The following CSMD2 variants were observed in gnomAD, a reference collection of about 807,000 sequenced individuals.
CSMD2 encodes the protein CUB and sushi domain-containing protein 2.
In CSMD2, 130 loss-of-function variants were observed where a neutral mutation model predicts 398.5. The observed-to-expected ratio is 0.33, with a 90% CI of 0.28 to 0.38. The LOEUF (loss-of-function observed/expected upper bound fraction) is 0.38. CSMD2 is among the 10% of genes least tolerant of loss of function. The pLI, the probability that CSMD2 is intolerant of heterozygous loss-of-function variation, is 1.00. For synonymous variants in CSMD2, 1,828 were observed against 1,908.5 expected, an observed-to-expected ratio of 0.96 and a Z score of 1.10; for missense variants, 3,829 against 4,764.9, an observed-to-expected ratio of 0.80 and a Z score of 5.78.
At chr1:33,916,969 A>T (rs907085238) in intron 5 of CSMD2, among the ~76,000 whole-genome samples, 12 of 149,030 alleles carry the variant, frequency 8.1e-5, no homozygotes, top group South Asian at 6.5e-4. Context: ...CCTCCTCCCT[A>T]CTCCCACTGA....
At chr1:33,662,260 A>G (rs1451558358) in intron 26 of CSMD2, among the ~76,000 whole-genome samples, 1 of 152,178 alleles carries the variant, frequency 6.6e-6, no homozygotes, top group Non-Finnish European at 1.5e-5. Context: ...TCTGCACTCA[A>G]CTAAGAACCT....
chr1:33,967,363 C>T lies in CSMD2; in HGVS notation c.518-31409G>A, dbSNP rs907689394. ...CTGGCTTGAATTTCAAGGCTCTACA[C>T]ACACAGGTAGACATCCACACCCCAG... On this transcript the variant is annotated intron_variant, in intron 3 of 70. Transcript: ENST00000373381. 2.0e-5 allele frequency among the ~76,000 whole-genome samples: 3 copies of T among 152,154 alleles called. No homozygotes were observed. The East Asian group carries it at 5.8e-4, about 29-fold the overall frequency.
chr1:34,005,154 A>G (rs1647019227), intron 3 of CSMD2, among the ~76,000 whole-genome samples: 1 of 152,184 alleles, frequency 6.6e-6, no homozygotes, highest in Non-Finnish European at 1.5e-5. Flanking sequence ...ATCTTCCCAG[A>G]GTAATAGGAA....
chr1:33,802,999 G>A (rs1655790707), intron 10 of CSMD2, among the ~76,000 whole-genome samples: 1 of 152,106 alleles, frequency 6.6e-6, no homozygotes. Flanking sequence ...CCACCCTACT[G>A]CTGTCTGTTG....
intron 12 of CSMD2, among the ~76,000 whole-genome samples, chr1:33,781,324 T>C (rs1160149438): frequency 1.3e-5 from 2 of 152,244 alleles, no homozygotes. Flanking sequence ...CCTGATGCCC[T>C]TGAGCAAGAT....
intron 3 of CSMD2, among the ~76,000 whole-genome samples, chr1:33,993,039 ATGAC>A (rs1352916490): frequency 5.9e-5 from 9 of 152,222 alleles, no homozygotes; most frequent in Admixed American, 2.6e-4. Flanking sequence ...GTAAAAAAGT[ATGAC>A]TGTGTCTGCA....
intron 16 of CSMD2, among the ~76,000 whole-genome samples, 158 bp downstream of exon 16, chr1:33,726,389 G>A (rs1646530732): frequency 6.6e-6 from 1 of 152,188 alleles, no homozygotes; most frequent in Admixed American, 6.5e-5. Flanking sequence ...CAGAGCCAGT[G>A]AGGTCTGCCC....
intron 64 of CSMD2, 31 bp from the exon 65 acceptor site, chr1:33,527,289 G>A (rs1654862633): frequency 6.3e-7 from 1 of 1,585,966 alleles, no homozygotes. Context: ...AAGAAAACAG[G>A]TTCAGCTTCT....
chr1:33,869,436 C>T (rs1640290133), intron 5 of CSMD2: 1 of 152,168 alleles, frequency 6.6e-6, no homozygotes, highest in South Asian at 2.1e-4. Flanking sequence ...AATGGGTGGG[C>T]ACGGGTGGCA....
intron 3 of CSMD2, among the ~76,000 whole-genome samples, chr1:34,021,881 G>A (rs914884030): frequency 1.3e-5 from 2 of 152,182 alleles, no homozygotes; most frequent in Non-Finnish European, 2.9e-5. Context: ...TATTTCATCG[G>A]TTCTAGGGTG....
At chr1:33,819,128 T>C (rs1013610327) in intron 9 of CSMD2, among the ~76,000 whole-genome samples, 4 of 152,174 alleles carry the variant, frequency 2.6e-5, no homozygotes, top group Admixed American at 2.0e-4. Context: ...CACTTGGCTC[T>C]GTTATTTTAA....
At position 33,900,387 on chromosome 1, in the gene CSMD2, G is replaced by C. The variant is rs116651058; in HGVS notation, c.920+17707C>G. 6.2e-3 allele frequency among the ~76,000 whole-genome samples: 947 copies of C among 152,342 alleles called. 6 individuals carry two copies. Among genetic ancestry groups the C allele is most frequent in the African/African-American group, 0.022 (914 of 41,580 alleles). On this transcript the variant is annotated intron_variant, in intron 5 of 70. Coordinates refer to ENST00000373381, the MANE Select transcript of CSMD2 (RefSeq NM_001281956.2). ...AGAAAGAGGGGTAGATCAGGATTTA[G>C]AGTCCAGATGATGGGGATCCAATTT...
intron 44 of CSMD2, among the ~76,000 whole-genome samples, chr1:33,588,656 A>T (rs1393072357): frequency 6.6e-6 from 1 of 152,260 alleles, no homozygotes. Flanking sequence ...TACTTAAAAC[A>T]TCACGATCAC....
At chr1:33,793,895 T>C (rs1176928799) in intron 10 of CSMD2, among the ~76,000 whole-genome samples, 1 of 152,110 alleles carries the variant, frequency 6.6e-6, no homozygotes, top group South Asian at 2.1e-4. Flanking sequence ...GTGCCATTCA[T>C]AAGGACAGGA....
chr1:34,094,328 G>C (rs541491190), intron 1 of CSMD2, among the ~76,000 whole-genome samples: 2 of 152,100 alleles, frequency 1.3e-5, no homozygotes, highest in Admixed American at 6.5e-5. Flanking sequence ...CGACCATCGA[G>C]ACTAGGAAGA....
At chr1:33,579,858 T>C (rs949448918) in intron 48 of CSMD2, among the ~76,000 whole-genome samples, 2 of 152,116 alleles carry the variant, frequency 1.3e-5, no homozygotes, top group Non-Finnish European at 2.9e-5. Flanking sequence ...TTTGTATTTT[T>C]AGTAGAGATG....
chr1:34,140,411 A>G (rs1639180843), intron 1 of CSMD2, among the ~76,000 whole-genome samples: 1 of 151,938 alleles, frequency 6.6e-6, no homozygotes, highest in South Asian at 2.1e-4. Flanking sequence ...AGGCACCGCC[A>G]CTTGCAAGCA....
chr1:33,961,402 C>T (rs1645354696), intron 3 of CSMD2, among the ~76,000 whole-genome samples: 1 of 152,230 alleles, frequency 6.6e-6, no homozygotes, highest in South Asian at 2.1e-4. Context: ...CCTTGCATGC[C>T]CTGTCCTGCT....
chr1:34,137,719 T>C (rs539243137), intron 1 of CSMD2, among the ~76,000 whole-genome samples: 2 of 152,302 alleles, frequency 1.3e-5, no homozygotes, highest in East Asian at 1.9e-4. Context: ...GCTTTCCAAT[T>C]GGGAAGGCAA....
Sources: gnomAD v4.1 joint callset for allele counts (sites outside exome capture counted in the v4.1 genomes callset) on GRCh38, gnomAD v4.1.1 for gene constraint, MANE v1.5 for transcripts, NCBI Gene and HGNC (gene_info 2026-07-23, HGNC 2026-07-21) for gene names.